RB1: variants seen among roughly 807,000 people sequenced by gnomAD.
RB1 encodes the protein retinoblastoma-associated protein.
In RB1, 18 loss-of-function variants were observed where a neutral mutation model predicts 135.4. The ratio of observed to expected loss-of-function variants is 0.13; its 90% CI spans 0.09 to 0.20. The LOEUF (loss-of-function observed/expected upper bound fraction) is 0.20. Ranked by LOEUF, RB1 falls within the 10% of genes least tolerant of loss-of-function variation. The probability of loss-of-function intolerance (pLI) is 1.00; values close to 1 mark genes in which losing one functional copy is unlikely to be tolerated. For synonymous variants in RB1, 365 were observed against 373.2 expected, an observed-to-expected ratio of 0.98 and a Z score of 0.25; for missense variants, 868 against 1,110.0, an observed-to-expected ratio of 0.78 and a Z score of 3.10.
At chr13:48,449,314 TATTTGGTAGAGCA>T (rs746358915) in intron 17 of RB1, among the ~76,000 whole-genome samples, 38 of 152,188 alleles carry the variant, frequency 2.5e-4, no homozygotes, top group Non-Finnish European at 4.9e-4. Context: ...ATTGTATAGT[TATTTGGTAGAGCA>T]ATTTCTTAAG....
At chr13:48,332,621 A>T (rs1434393253) in intron 2 of RB1, among the ~76,000 whole-genome samples, 1 of 152,204 alleles carries the variant, frequency 6.6e-6, no homozygotes, top group African/African-American at 2.4e-5. Flanking sequence ...CTGGACACTT[A>T]ATTTACAGCA....
At chr13:48,377,968 T>C (rs557856331) in intron 13 of RB1, among the ~76,000 whole-genome samples, 8 of 152,248 alleles carry the variant, frequency 5.3e-5, no homozygotes, top group South Asian at 2.1e-4. Context: ...GGTAAAGATA[T>C]AGTACAAAAG....
rs1342256169 is a variant in RB1, at chr13:48,434,675, A to G, written c.1696-18318A>G. 3.9e-5 allele frequency among the ~76,000 whole-genome samples: 6 copies of G among 152,246 alleles called. 1 individual carries two copies. In the East Asian group the frequency reaches 1.2e-3, roughly 29 times the overall value. ...CACCAGGCAGCTTGACCTGGTGAAA[A>G]TGTGTAGGTCCATGTATCCACCACC... On this transcript the variant is annotated intron_variant, in intron 17 of 26. Transcript: ENST00000267163.
At chr13:48,304,959 C>G (rs1363762122) in intron 1 of RB1, among the ~76,000 whole-genome samples, 1 of 152,102 alleles carries the variant, frequency 6.6e-6, no homozygotes, top group Admixed American at 6.5e-5. Context: ...TAAGTGGAAT[C>G]TAAATTTAAG....
chr13:48,342,775 C>T (rs1488316713), intron 3 of RB1, 61 bp downstream of exon 3: 2 of 1,180,778 alleles, frequency 1.7e-6, no homozygotes, highest in African/African-American at 1.5e-5. Flanking sequence ...CTGGATTTTC[C>T]TCTCAATAGA....
chr13:48,434,255 T>C (rs922830881), intron 17 of RB1, among the ~76,000 whole-genome samples: 1 of 151,886 alleles, frequency 6.6e-6, no homozygotes, highest in African/African-American at 2.4e-5. Context: ...GAGAACGGCC[T>C]GGACAACATA....
At chr13:48,395,104 A>C (rs1566204167) in intron 17 of RB1, among the ~76,000 whole-genome samples, 1 of 152,100 alleles carries the variant, frequency 6.6e-6, no homozygotes, top group Non-Finnish European at 1.5e-5. Flanking sequence ...CCAGGCAAAC[A>C]GGGTCTGGAG....
chr13:48,393,058 T>G (rs1474451792), intron 17 of RB1, among the ~76,000 whole-genome samples: 1 of 152,204 alleles, frequency 6.6e-6, no homozygotes, highest in Non-Finnish European at 1.5e-5. Flanking sequence ...CTACTGAATA[T>G]CCCATATATG....
At chr13:48,317,171 C>T (rs1049000467) in intron 2 of RB1, 1 of 638,736 alleles carries the variant, frequency 1.6e-6, no homozygotes, top group Non-Finnish European at 2.3e-6. Context: ...AGGACGGGCC[C>T]TGTGGAGGCA....
At chr13:48,320,438 G>A in intron 2 of RB1, 2 of 1,000,330 alleles carry the variant, frequency 2.0e-6, no homozygotes, top group Non-Finnish European at 3.1e-6. Flanking sequence ...CATTTGGACT[G>A]GGGAGCAACC....
intron 26 of RB1, among the ~76,000 whole-genome samples, chr13:48,479,390 A>T (rs1949523426): frequency 6.6e-6 from 1 of 152,226 alleles, no homozygotes; most frequent in Non-Finnish European, 1.5e-5. Context: ...TAGTCTGCTG[A>T]AGTATATGCC....
chr13:48,474,968 G>A (rs543212131), intron 24 of RB1, among the ~76,000 whole-genome samples: 7 of 151,534 alleles, frequency 4.6e-5, no homozygotes, highest in African/African-American at 7.3e-5. Flanking sequence ...CAAACTCCTC[G>A]GCCCAAGCAG....
rs1047764099 is a variant in RB1, at chr13:48,398,234, A to T, written c.1695+16791A>T. Among the ~76,000 whole-genome samples the T allele has an allele frequency of 2.9e-5, 4 of 138,524 alleles. No individual in the cohort carries two copies. The East Asian group carries it at 7.7e-4, about 27-fold the overall frequency. 90.9% of individuals were successfully genotyped at this position (138,524 alleles called of 152,430 possible). On this transcript the variant is annotated intron_variant, in intron 17 of 26. Coordinates refer to ENST00000267163, the MANE Select transcript of RB1 (RefSeq NM_000321.3). ...AGAGGAAACATTTTATTTTAATTTT[A>T]AAAAATTCAATTCTGAAAACATAGC...
intron 2 of RB1, among the ~76,000 whole-genome samples, chr13:48,324,983 TG>T (rs1398243885): frequency 6.6e-6 from 1 of 152,110 alleles, no homozygotes; most frequent in Non-Finnish European, 1.5e-5. Context: ...GCATGGGATT[TG>T]TTTTTTTTTT....
At chr13:48,375,067 A>G (rs1372961702) in intron 12 of RB1, among the ~76,000 whole-genome samples, 3 of 152,204 alleles carry the variant, frequency 2.0e-5, no homozygotes, top group African/African-American at 7.2e-5. Context: ...ATGACTGTAT[A>G]GTACTCCATA....
chr13:48,394,064 T>C (rs538831547), intron 17 of RB1, among the ~76,000 whole-genome samples: 31 of 152,204 alleles, frequency 2.0e-4, no homozygotes, highest in Non-Finnish European at 3.2e-4. Flanking sequence ...GCTCATCTCA[T>C]TGGGACTGGT....
intron 3 of RB1, among the ~76,000 whole-genome samples, chr13:48,343,913 T>A (rs1952469567): frequency 6.6e-6 from 1 of 152,224 alleles, no homozygotes; most frequent in Admixed American, 6.5e-5. Context: ...AATAACCTTT[T>A]GGTTCCCCTG....
chr13:48,478,197 C>T (rs1377484576), intron 26 of RB1, among the ~76,000 whole-genome samples: 1 of 152,150 alleles, frequency 6.6e-6, no homozygotes, highest in Non-Finnish European at 1.5e-5. Flanking sequence ...ACAGGACACA[C>T]TAATGAGAAC....
chr13:48,457,905 G>C (rs1949371081), intron 19 of RB1, among the ~76,000 whole-genome samples: 1 of 152,228 alleles, frequency 6.6e-6, no homozygotes, highest in Non-Finnish European at 1.5e-5. Context: ...TGGCAGTTGG[G>C]GGGTGCCTTC....
Sources: allele counts gnomAD v4.1 joint callset (sites outside exome capture counted in the v4.1 genomes callset), GRCh38; gene constraint gnomAD v4.1.1; transcripts MANE v1.5; gene names NCBI Gene and HGNC (gene_info 2026-07-23, HGNC 2026-07-21).